Variants in SLC15A2 observed in about 807,000 individuals in gnomAD.
The protein encoded by SLC15A2 is solute carrier family 15 member 2.
A neutral mutation model predicts 95.5 loss-of-function variants in SLC15A2; 77 were observed. The observed-to-expected ratio is 0.81, with a 90% CI of 0.67 to 0.97. The LOEUF is 0.97. Ranked by LOEUF, SLC15A2 falls within the 50% of genes least tolerant of loss-of-function variation. The pLI is 0.00. For synonymous variants in SLC15A2, 306 were observed against 306.9 expected (o/e 1.00, Z 0.03); for missense variants, 893 against 874.4 (o/e 1.02, Z -0.27).
At position 121,915,300 on chromosome 3, in the gene SLC15A2, T is replaced by A; in HGVS notation, c.602T>A (p.Ile201Asn). 6.2e-7 allele frequency: 1 copy of A among 1,609,050 alleles called. No homozygotes were observed. The highest frequency in any genetic ancestry group is 1.1e-5 in the South Asian group (1 of 90,894). ...INAGSLISTF[I>N]TPMLRGDVQC... ...GCAGGGAGCTTGATTTCTACATTTA[T>A]CACACCCATGCTGAGAGGTTAGGAT... Residue 201 changes from isoleucine to asparagine, a missense_variant, in exon 6 of 22, where the codon ATC becomes AAC. Physicochemically the swap from Ile to Asn is moderately radical, Grantham distance 149 (BLOSUM62 -3). Transcript: ENST00000489711.
In SLC15A2 at chr3:121,941,056, G is replaced by A; in HGVS notation, c.*49G>A. On this transcript the variant is annotated 3_prime_UTR_variant, in exon 22 of 22. Coordinates refer to ENST00000489711, the MANE Select transcript of SLC15A2 (RefSeq NM_021082.4). ...CCCCAATTCCTGGCCCTGTCTTGAA[G>A]CATTTTTTTTCTTCTACTGGATTAG... 1 of 1,554,736 alleles carries A rather than the reference G, an allele frequency of 6.4e-7. No homozygotes were observed. The highest frequency in any genetic ancestry group is 8.7e-7 in the Non-Finnish European group (1 of 1,148,232).
intron 14 of SLC15A2, among the ~76,000 whole-genome samples, chr3:121,928,121 C>G (rs1008512527): frequency 6.6e-6 from 1 of 152,180 alleles, no homozygotes; most frequent in Admixed American, 6.5e-5. Context: ...TTATGTGATG[C>G]CTTTCTACAT....
intron 1 of SLC15A2, among the ~76,000 whole-genome samples, chr3:121,895,576 CATG>C (rs1709400440): frequency 6.6e-6 from 1 of 152,130 alleles, no homozygotes; most frequent in Non-Finnish European, 1.5e-5. Context: ...ATATACTTCT[CATG>C]AAATGAGGCA....
At chr3:121,897,142 G>A (rs905068954) in intron 2 of SLC15A2, among the ~76,000 whole-genome samples, 10 of 151,518 alleles carry the variant, frequency 6.6e-5, no homozygotes, top group African/African-American at 2.2e-4. Flanking sequence ...GATGCTAGGG[G>A]TGCACATAGA....
At chr3:121,899,951 A>G (rs1425942359) in intron 3 of SLC15A2, among the ~76,000 whole-genome samples, 1 of 152,050 alleles carries the variant, frequency 6.6e-6, no homozygotes, top group Non-Finnish European at 1.5e-5. Context: ...CATTTCTGTG[A>G]AACTCCCTGG....
At chr3:121,919,711 G>C (rs576106337) in intron 7 of SLC15A2, among the ~76,000 whole-genome samples, 4 of 152,148 alleles carry the variant, frequency 2.6e-5, no homozygotes, top group Non-Finnish European at 5.9e-5. Context: ...GTCTGCCTAG[G>C]AATTTATCTG....
chr3:121,926,956 G>C (rs1710134641), intron 13 of SLC15A2, among the ~76,000 whole-genome samples: 1 of 152,248 alleles, frequency 6.6e-6, no homozygotes, highest in African/African-American at 2.4e-5. Context: ...GCCCTGCTGT[G>C]TTTCAGACTT....
chr3:121,898,619 A>G (rs1404171464), intron 3 of SLC15A2, among the ~76,000 whole-genome samples: 1 of 152,250 alleles, frequency 6.6e-6, no homozygotes, highest in Non-Finnish European at 1.5e-5. Context: ...CTTGTGGTCA[A>G]ACAAGTTTGG....
chr3:121,897,442 CATCTATAT>C lies in SLC15A2; in HGVS notation c.250_257del (p.Ser84ProfsTer19). ...CTGCACTGGAATGAAGATACCTCCA[CATCTATAT>C]ACCATGCCTTCAGCAGCCTCTGTTA... is the stretch of plus-strand genomic sequence containing the variant. On this transcript the variant is annotated frameshift_variant, in exon 3 of 22. Coordinates refer to ENST00000489711, the MANE Select transcript of SLC15A2 (RefSeq NM_021082.4). LOFTEE classifies it high-confidence loss of function. 6.2e-7 allele frequency: 1 copy of C among 1,614,138 alleles called. No individual in the cohort carries two copies.
At chr3:121,897,786 T>C (rs1176362028) in intron 3 of SLC15A2, among the ~76,000 whole-genome samples, 1 of 152,258 alleles carries the variant, frequency 6.6e-6, no homozygotes, top group African/African-American at 2.4e-5. Context: ...TCCTTAAAAC[T>C]AATTTTAACC....
chr3:121,905,246 CT>C (rs1709611455), intron 3 of SLC15A2, among the ~76,000 whole-genome samples: 1 of 151,974 alleles, frequency 6.6e-6, no homozygotes, highest in African/African-American at 2.4e-5. Context: ...CTCTTTTCTT[CT>C]TTATTAGTCT....
chr3:121,928,699 A>T (rs1230616114), intron 15 of SLC15A2, 144 bp downstream of exon 15: 1 of 931,114 alleles, frequency 1.1e-6, no homozygotes, highest in Non-Finnish European at 1.6e-6. Context: ...ATAATATTCC[A>T]TTCTATAGAT....
chr3:121,932,332 T>C (rs113707992), intron 19 of SLC15A2, among the ~76,000 whole-genome samples: 3,926 of 152,318 alleles, frequency 0.026, 150 homozygotes, highest in African/African-American at 0.089. Context: ...ATGCCACAGC[T>C]TGCTCCAGTC....
At position 121,913,161 on chromosome 3, in the gene SLC15A2, C is replaced by T. The variant is rs369611906; in HGVS notation, c.528+41C>T. The T allele has an allele frequency of 3.4e-6, 5 of 1,471,044 alleles. No individual in the cohort carries two copies. In the South Asian group the frequency reaches 5.7e-5, roughly 17 times the overall value. The allele number at this position is 1,471,044 out of a possible 1,614,324, so 91.1% of individuals were successfully genotyped here. On this transcript the variant is annotated intron_variant, in intron 5 of 21. Coordinates refer to ENST00000489711, the MANE Select transcript of SLC15A2 (RefSeq NM_021082.4). ...TTTTGTATTTTCAAGAATATAGAGCCAGCATTAATGGGGGTATCTGGCAGG... is the reference window on the plus strand; with the variant it reads ...TTTTGTATTTTCAAGAATATAGAGCTAGCATTAATGGGGGTATCTGGCAGG...
chr3:121,938,488 C>T (rs567882290), intron 19 of SLC15A2, among the ~76,000 whole-genome samples: 2 of 152,200 alleles, frequency 1.3e-5, no homozygotes, highest in Admixed American at 6.5e-5. Context: ...TTAAGCCCGT[C>T]GGAAAAGCGC....
At chr3:121,906,364 G>T (rs1430707460) in intron 3 of SLC15A2, among the ~76,000 whole-genome samples, 3 of 152,138 alleles carry the variant, frequency 2.0e-5, no homozygotes, top group African/African-American at 4.8e-5. Flanking sequence ...TTACATTTAA[G>T]GTTAATATTG....
rs1001115425 is a variant in SLC15A2 at position 121,943,127 on chromosome 3, G to A, written c.*2120G>A. On this transcript the variant is annotated 3_prime_UTR_variant, in exon 22 of 22. Transcript: ENST00000489711. ...CTAAAAGTACAAAAATTAGCCAGGT[G>A]TGATGGCAGGTGCCTGTAATCCCAG... The A allele has an allele frequency of 1.3e-5, 2 of 152,150 alleles. No homozygotes were observed. Among genetic ancestry groups the A allele is most frequent in the African/African-American group, 2.4e-5 (1 of 41,402 alleles). The allele number at this position is 152,150 out of a possible 1,614,324, so 9.4% of individuals were successfully genotyped here.
intron 12 of SLC15A2, 87 bp from the exon 13 acceptor site, chr3:121,924,856 GAC>G (rs1033323288): frequency 1.4e-5 from 13 of 921,638 alleles, no homozygotes; most frequent in Non-Finnish European, 2.3e-5. Context: ...GTAGATGTGA[GAC>G]AGAGTGTAAA....
Position 121,925,003 on chromosome 3 carries a change from G to C in SLC15A2, c.1094G>C (p.Arg365Pro). ...FIPLFDFVIY[R>P]LVSKCGINFS... ...CCGTTGTTTGACTTTGTCATTTATC[G>C]TCTGGTCTCCAAGTGTGGAATTAAC... is the stretch of plus-strand genomic sequence containing the variant. Residue 365 changes from arginine (R) to proline (P), a missense_variant, in exon 13 of 22, where the codon CGT becomes CCT. Physicochemically the swap from Arg to Pro is moderately radical, Grantham distance 103. Transcript: ENST00000489711. 1 of 1,613,170 alleles carries C rather than the reference G, an allele frequency of 6.2e-7. No individual in the cohort carries two copies.
Sources: gnomAD v4.1 joint callset for allele counts (sites outside exome capture counted in the v4.1 genomes callset) on GRCh38, gnomAD v4.1.1 for gene constraint, MANE v1.5 for transcripts, NCBI Gene and HGNC (gene_info 2026-07-23, HGNC 2026-07-21) for gene names.